Variants in RANBP17 observed in about 807,000 individuals in gnomAD.
RANBP17 encodes the protein ran-binding protein 17.
RANBP17 carries 158 observed loss-of-function variants against 141.2 expected under a neutral mutation model. The ratio of observed to expected loss-of-function variants is 1.12; its 90% CI spans 0.98 to 1.28. RANBP17 has a LOEUF of 1.28. Ranked by LOEUF, RANBP17 falls within the 50% of genes most tolerant of loss-of-function variation. The probability of loss-of-function intolerance (pLI) is 0.00; values close to 1 mark genes in which losing one functional copy is unlikely to be tolerated. For synonymous variants in RANBP17, 430 were observed against 450.0 expected (o/e 0.96, Z 0.56); for missense variants, 1,438 against 1,290.7 (o/e 1.11, Z -1.75).
chr5:171,014,060 T>C (rs993733472), intron 14 of RANBP17, among the ~76,000 whole-genome samples: 1 of 152,108 alleles, frequency 6.6e-6, no homozygotes, highest in Non-Finnish European at 1.5e-5. Flanking sequence ...ATTGACCTCT[T>C]TATTATTTTG....
intron 14 of RANBP17, among the ~76,000 whole-genome samples, chr5:171,100,466 TTG>T (rs1226905003): frequency 6.6e-6 from 1 of 152,220 alleles, no homozygotes; most frequent in Non-Finnish European, 1.5e-5. Flanking sequence ...TCATTTTTTA[TTG>T]TGTCTATTTG....
chr5:171,029,501 T>C (rs1468228177), intron 14 of RANBP17, among the ~76,000 whole-genome samples: 1 of 152,166 alleles, frequency 6.6e-6, no homozygotes, highest in Non-Finnish European at 1.5e-5. Flanking sequence ...CTCATGGTCA[T>C]CACGGAGGTC....
At position 171,024,603 on chromosome 5, in the gene RANBP17, A is replaced by G. The variant is rs117824359; in HGVS notation, c.1710+56226A>G. On this transcript the variant is annotated intron_variant, in intron 14 of 27. Coordinates refer to ENST00000523189, the MANE Select transcript of RANBP17 (RefSeq NM_022897.5). ...GGTATATACTTTCTATCCTTATTCAACATAATCAACCACTTACTCCTTCTA... is the reference window on the plus strand; with the variant it reads ...GGTATATACTTTCTATCCTTATTCAGCATAATCAACCACTTACTCCTTCTA... Among the ~76,000 whole-genome samples the G allele has an allele frequency of 2.4e-4, 36 of 152,260 alleles. 1 individual carries two copies. In the East Asian group the frequency reaches 6.8e-3, roughly 29 times the overall value.
At chr5:171,264,484 G>A (rs2128018614) in intron 24 of RANBP17, among the ~76,000 whole-genome samples, 1 of 152,266 alleles carries the variant, frequency 6.6e-6, no homozygotes, top group Admixed American at 6.5e-5. Flanking sequence ...CAGTCTTCTA[G>A]CTGTGTGACA....
At chr5:171,191,940 C>T (rs904734075) in intron 18 of RANBP17, among the ~76,000 whole-genome samples, 1 of 152,062 alleles carries the variant, frequency 6.6e-6, no homozygotes, top group Non-Finnish European at 1.5e-5. Flanking sequence ...ACTTTCTAAG[C>T]GTCTATGAAA....
intron 14 of RANBP17, among the ~76,000 whole-genome samples, chr5:171,000,388 T>G (rs1779118390): frequency 6.6e-6 from 1 of 152,178 alleles, no homozygotes; most frequent in African/African-American, 2.4e-5. Flanking sequence ...TCACCAACAC[T>G]TATTTTCTAC....
chr5:171,033,971 G>T (rs1375436701), intron 14 of RANBP17, among the ~76,000 whole-genome samples: 1 of 152,072 alleles, frequency 6.6e-6, no homozygotes, highest in Non-Finnish European at 1.5e-5. Context: ...TAAGAGCTGG[G>T]CATGGTGGCG....
At chr5:170,955,245 A>G (rs1463067480) in intron 13 of RANBP17, among the ~76,000 whole-genome samples, 2 of 152,078 alleles carry the variant, frequency 1.3e-5, no homozygotes, top group South Asian at 2.1e-4. Flanking sequence ...TTGAACTGCC[A>G]GATAGTAGGG....
At chr5:170,910,241 A>G (rs1771423855) in intron 6 of RANBP17, 1 of 155,126 alleles carries the variant, frequency 6.4e-6, no homozygotes, top group African/African-American at 2.4e-5. Flanking sequence ...AATATTAGTG[A>G]TAGCATGATT....
At chr5:170,896,832 A>G in intron 5 of RANBP17, 1 of 456,536 alleles carries the variant, frequency 2.2e-6, no homozygotes, top group Non-Finnish European at 4.1e-6. Context: ...TCTGTCTCAA[A>G]CAACAATAAC....
intron 19 of RANBP17, among the ~76,000 whole-genome samples, chr5:171,204,718 C>A (rs1287348625): frequency 6.6e-6 from 1 of 152,142 alleles, no homozygotes; most frequent in African/African-American, 2.4e-5. Context: ...CAAGTCAGAT[C>A]TCTTCTATTC....
intron 14 of RANBP17, among the ~76,000 whole-genome samples, chr5:171,147,339 TTGTGTGTGTGTG>T (rs59202388): frequency 7.5e-4 from 79 of 104,854 alleles, no homozygotes; most frequent in African/African-American, 1.6e-3. Context: ...CTTGGTTGTT[TTGTGTGTGTGTG>T]TGTGTGTGTG....
At chr5:171,265,987 A>G (rs1766648524) in intron 25 of RANBP17, 140 bp downstream of exon 25, 1 of 664,592 alleles carries the variant, frequency 1.5e-6, no homozygotes, top group Admixed American at 3.4e-5. Flanking sequence ...GTCTGGGAGT[A>G]TTTTCCCTGA....
intron 14 of RANBP17, among the ~76,000 whole-genome samples, chr5:171,157,369 A>G (rs1758981476): frequency 6.6e-6 from 1 of 152,196 alleles, no homozygotes; most frequent in Non-Finnish European, 1.5e-5. Context: ...CAGTTGACTC[A>G]TTCATTAACT....
rs1554127913 is a variant in RANBP17, at chr5:171,277,637, G to GTATGTATATGTATA, written c.2943+11793_2943+11794insGTATATGTATATAT. ...GTGCCTTACGTATACATATATGTATGTATATATATATATATATATATATAT... is the reference window on the plus strand; with the variant it reads ...GTGCCTTACGTATACATATATGTATGTATGTATATGTATATATATATATATATATATATATATAT... On this transcript the variant is annotated intron_variant, in intron 25 of 27. Transcript: ENST00000523189. 4.4e-3 allele frequency among the ~76,000 whole-genome samples: 249 copies of GTATGTATATGTATA among 56,914 alleles called. 11 individuals carry two copies. The highest frequency in any genetic ancestry group is 7.2e-3 in the Non-Finnish European group (215 of 29,694). The allele number at this position is 56,914 out of a possible 152,430, so 37.3% of individuals were successfully genotyped here. A position where few individuals can be genotyped will look rare whatever the true frequency, so the allele number is the denominator to read the frequency against.
At position 170,897,134 on chromosome 5, in the gene RANBP17, C is replaced by CG. The variant is rs1561866304; in HGVS notation, c.489+1019_489+1020insG. 3.6e-6 allele frequency: 3 copies of CG among 826,842 alleles called. No individual in the cohort carries two copies. The African/African-American group carries it at 5.1e-5, about 14-fold the overall frequency. The allele number at this position is 826,842 out of a possible 1,614,324, so 51.2% of individuals were successfully genotyped here. A position where few individuals can be genotyped will look rare whatever the true frequency, so the allele number is the denominator to read the frequency against. ...AGTGAATGAAATTCTGCAGGGACCA[C>CG]TGAGAGATGTATTTGATACCAAACA... On this transcript the variant is annotated intron_variant, in intron 5 of 27. Transcript: ENST00000523189.
chr5:170,879,569 C>G (rs1260683356), intron 2 of RANBP17, among the ~76,000 whole-genome samples: 38 of 152,080 alleles, frequency 2.5e-4, no homozygotes, highest in Non-Finnish European at 2.9e-5. Context: ...AGTATAAGTT[C>G]TGCATATAGG....
At chr5:171,022,342 G>C (rs1022499948) in intron 14 of RANBP17, among the ~76,000 whole-genome samples, 4 of 152,196 alleles carry the variant, frequency 2.6e-5, no homozygotes, top group Non-Finnish European at 5.9e-5. Flanking sequence ...TGCTTCACTG[G>C]GGGAAACCCG....
intron 2 of RANBP17, among the ~76,000 whole-genome samples, chr5:170,880,570 T>C (rs978077008): frequency 6.6e-6 from 1 of 152,188 alleles, no homozygotes; most frequent in African/African-American, 2.4e-5. Context: ...TGATGAGATA[T>C]CCAATTTTCT....
Sources: allele counts gnomAD v4.1 joint callset (sites outside exome capture counted in the v4.1 genomes callset), GRCh38; gene constraint gnomAD v4.1.1; transcripts MANE v1.5; gene names NCBI Gene and HGNC (gene_info 2026-07-23, HGNC 2026-07-21).